The following CINP variants were observed in gnomAD, a reference collection of about 807,000 sequenced individuals.
The protein encoded by CINP is cyclin-dependent kinase 2-interacting protein.
Under a neutral mutation model 20.5 loss-of-function variants are expected in CINP, and 11 were observed. The ratio of observed to expected loss-of-function variants is 0.54; its 90% confidence interval spans 0.34 to 0.89. The LOEUF (loss-of-function observed/expected upper bound fraction) is 0.89. Among genes scored for constraint, CINP ranks in the 40% least tolerant of loss-of-function variants. The pLI, the probability that CINP is intolerant of heterozygous loss-of-function variation, is 0.02. For synonymous variants in CINP, 108 were observed against 102.1 expected (o/e 1.06, Z -0.35); for missense variants, 213 against 251.0 (o/e 0.85, Z 1.02).
At position 102,348,589 on chromosome 14, in the gene CINP, T is replaced by C; in HGVS notation, c.607A>G (p.Met203Val). The C allele has an allele frequency of 6.2e-7, 1 of 1,613,022 alleles. No homozygotes were observed. The highest frequency in any genetic ancestry group is 8.5e-7 in the Non-Finnish European group (1 of 1,179,780). Residue 203 changes from methionine to valine, a missense_variant, in exon 5 of 5, where the codon ATG (methionine) becomes GTG (valine). By Grantham distance (21) the Met-to-Val change is conservative. Coordinates refer to ENST00000216756, the MANE Select transcript of CINP (RefSeq NM_032630.3). ...ESDSRLHLES[M>V]LLETGHRAL ...GCTCGGTGGCCTGTCTCCAGCAGCATGCTCTCCAGATGCAGCCTGCTGTCG... is the reference window on the plus strand; with the variant it reads ...GCTCGGTGGCCTGTCTCCAGCAGCACGCTCTCCAGATGCAGCCTGCTGTCG...
At chr14:102,356,218 C>T (rs1011178583) in intron 2 of CINP, among the ~76,000 whole-genome samples, 1 of 152,052 alleles carries the variant, frequency 6.6e-6, no homozygotes, top group African/African-American at 2.4e-5. Flanking sequence ...AGTCTGAGTC[C>T]AGCCTGGGCA....
At chr14:102,355,541 G>A (rs1358314247) in intron 3 of CINP, 1 of 443,116 alleles carries the variant, frequency 2.3e-6, no homozygotes, top group East Asian at 3.7e-5. Flanking sequence ...AATTTACTAT[G>A]TGATGAGCCC....
chr14:102,354,286 T>A (rs1195042912), intron 3 of CINP, among the ~76,000 whole-genome samples: 2 of 152,216 alleles, frequency 1.3e-5, no homozygotes, highest in Admixed American at 6.5e-5. Context: ...ACGTGCTGTA[T>A]CAGGGATGGG....
rs7011 is a variant in CINP, at chr14:102,348,705, C to T, written c.491G>A (p.Arg164His). ...GTGGGCAAGCTCCTTGGCCACCGTG[C>T]GCTTCAGGAGCAGCTCCTTCCTGTA... The part of the protein sequence containing the change: ...EMYRKELLLK[R>H]TVAKELAHTG... The change falls in exon 5 of 5, where the codon CGC becomes CAC. Residue 164 changes from arginine to histidine, a missense_variant. Physicochemically the swap from Arg to His is conservative, Grantham distance 29. Transcript: ENST00000216756. 0.27 allele frequency: 433,589 copies of T among 1,613,156 alleles called. 61,508 individuals carry two copies. Among genetic ancestry groups the T allele is most frequent in the Middle Eastern group, 0.32 (1,960 of 6,058 alleles).
chr14:102,355,584 C>G (rs1314440947), intron 3 of CINP, 184 bp downstream of exon 3: 2 of 589,852 alleles, frequency 3.4e-6, no homozygotes, highest in Non-Finnish European at 5.7e-6. Context: ...GGATGACGCA[C>G]AGGAGGAGTG....
In CINP at chr14:102,355,809, C is replaced by A. The variant is rs776051752; in HGVS notation, c.265G>T (p.Glu89Ter). The change falls in exon 3 of 5, where the codon GAG becomes TAG. Residue 89 changes from glutamate to a stop codon, truncating the protein, a stop_gained. Coordinates refer to ENST00000216756, the MANE Select transcript of CINP (RefSeq NM_032630.3). LOFTEE classifies it high-confidence loss of function. ...GCCTGCAGTTCCTCACACAGCTTCT[C>A]CAGTTCCTCGTTATATTCCAGACAC... ...KVCLEYNEEL[E>*]KLCEELQATL... 6.2e-7 allele frequency: 1 copy of A among 1,614,168 alleles called. No homozygotes were observed. Among genetic ancestry groups the A allele is most frequent in the Non-Finnish European group, 8.5e-7 (1 of 1,179,998 alleles).
chr14:102,353,439 C>T (rs563087055), intron 3 of CINP, among the ~76,000 whole-genome samples: 1 of 152,128 alleles, frequency 6.6e-6, no homozygotes, highest in Non-Finnish European at 1.5e-5. Context: ...CTTTGGGAGG[C>T]TGAGGTGGGA....
intron 1 of CINP, among the ~76,000 whole-genome samples, chr14:102,360,702 A>C (rs1887121221): frequency 6.6e-6 from 1 of 152,190 alleles, no homozygotes; most frequent in Admixed American, 6.5e-5. Flanking sequence ...AAAACCCAGT[A>C]TCTCACCTGT....
chr14:102,353,237 T>C (rs1195496372), intron 3 of CINP, among the ~76,000 whole-genome samples: 1 of 152,060 alleles, frequency 6.6e-6, no homozygotes, highest in East Asian at 1.9e-4. Flanking sequence ...AAGCAGGTGG[T>C]GAATACGTCC....
intron 2 of CINP, among the ~76,000 whole-genome samples, chr14:102,356,861 G>A (rs1033940076): frequency 1.3e-5 from 2 of 152,050 alleles, no homozygotes; most frequent in African/African-American, 2.4e-5. Flanking sequence ...TCCACTGACC[G>A]GCTGCTCCCC....
In CINP at chr14:102,348,514, G is replaced by A; in HGVS notation, c.*43C>T. On this transcript the variant is annotated 3_prime_UTR_variant, in exon 5 of 5. Transcript: ENST00000216756. The stretch of plus-strand genomic sequence containing the variant: ...GGGTCCTAGGCAGACTGTCTGCCTG[G>A]TGAGACGTGGAAGGAGCCAGTGTCC... The A allele has an allele frequency of 1.3e-6, 2 of 1,543,878 alleles. No individual in the cohort carries two copies. Among genetic ancestry groups the A allele is most frequent in the Non-Finnish European group, 1.8e-6 (2 of 1,136,220 alleles).
intron 1 of CINP, among the ~76,000 whole-genome samples, chr14:102,361,566 G>A (rs891104753): frequency 6.6e-6 from 1 of 152,174 alleles, no homozygotes; most frequent in East Asian, 1.9e-4. Context: ...GCGTGAACCC[G>A]GGAGGCGGAA....
intron 2 of CINP, among the ~76,000 whole-genome samples, 192 bp downstream of exon 2, chr14:102,359,227 A>AATAAATATATATATAT (rs1555446396): frequency 3.5e-5 from 4 of 115,434 alleles, no homozygotes; most frequent in African/African-American, 1.3e-4. Context: ...TAAATAACTA[A>AATAAATATATATATAT]ATATATATAT....
At chr14:102,358,606 G>C (rs574513382) in intron 2 of CINP, among the ~76,000 whole-genome samples, 1 of 152,052 alleles carries the variant, frequency 6.6e-6, no homozygotes, top group East Asian at 1.9e-4. Flanking sequence ...ACTTGAACCT[G>C]ACAGGCAGAA....
intron 2 of CINP, among the ~76,000 whole-genome samples, chr14:102,356,652 T>G (rs1370895856): frequency 6.6e-6 from 1 of 152,250 alleles, no homozygotes; most frequent in East Asian, 1.9e-4. Flanking sequence ...AGCACCATTT[T>G]GCCAACAGCA....
chr14:102,359,738 T>C (rs1887095919), intron 1 of CINP, 151 bp from the exon 2 acceptor site: 2 of 503,718 alleles, frequency 4.0e-6, no homozygotes, highest in Non-Finnish European at 3.4e-6. Flanking sequence ...TCTGAATGAA[T>C]GTGAAAGTTC....
chr14:102,359,628 A>G (rs770487318), intron 1 of CINP, 41 bp from the exon 2 acceptor site: 6 of 1,489,144 alleles, frequency 4.0e-6, no homozygotes, highest in African/African-American at 1.4e-5. Context: ...ATCATGGAAT[A>G]TACAATCATA....
At chr14:102,359,221 TAACTAA>T (rs1341608316) in intron 2 of CINP, among the ~76,000 whole-genome samples, 192 bp downstream of exon 2, 1 of 107,368 alleles carries the variant, frequency 9.3e-6, no homozygotes, top group African/African-American at 3.1e-5. Flanking sequence ...AATAAATAAA[TAACTAA>T]ATATATATAT....
chr14:102,356,828 T>C (rs946869375), intron 2 of CINP, among the ~76,000 whole-genome samples: 8 of 152,156 alleles, frequency 5.3e-5, no homozygotes, highest in Non-Finnish European at 1.5e-5. Flanking sequence ...GCTTAATGAA[T>C]GGATGTTGTG....
Sources: gnomAD v4.1 joint callset for allele counts (sites outside exome capture counted in the v4.1 genomes callset) on GRCh38, gnomAD v4.1.1 for gene constraint, MANE v1.5 for transcripts, NCBI Gene and HGNC (gene_info 2026-07-23, HGNC 2026-07-21) for gene names.